Variants in NXPE4 observed in about 807,000 individuals in gnomAD.
NXPE4 encodes NXPE family member 4.
Under a neutral mutation model 33.3 loss-of-function variants are expected in NXPE4, and 42 were observed. The observed-to-expected ratio is 1.26, with a 90% CI of 0.98 to 1.63. NXPE4 has a LOEUF of 1.63. Ranked by LOEUF, NXPE4 falls within the 40% of genes most tolerant of loss-of-function variation. The pLI, the probability that NXPE4 is intolerant of heterozygous loss-of-function variation, is 0.00. For synonymous variants in NXPE4, 253 were observed against 234.9 expected (o/e 1.08, Z -0.71); for missense variants, 709 against 647.6 (o/e 1.09, Z -1.03).
upstream of NXPE4, among the ~76,000 whole-genome samples, chr11:114,599,706 C>T (rs118059580): frequency 2.3e-3 from 345 of 152,080 alleles, 1 homozygote; most frequent in Non-Finnish European, 3.9e-3. Context: ...CATGAGTTTG[C>T]GGGAGGGGCT....
chr11:114,636,332 C>T, the NXPE4 span, among the ~76,000 whole-genome samples: 12 of 151,784 alleles, frequency 7.9e-5, no homozygotes, highest in African/African-American at 1.7e-4. Context: ...TTTTTTATTG[C>T]GTCTATTTGA....
the NXPE4 span, among the ~76,000 whole-genome samples, chr11:114,627,017 T>C: frequency 5.9e-5 from 9 of 151,592 alleles, no homozygotes; most frequent in Non-Finnish European, 8.8e-5. Context: ...TATGGGACTA[T>C]GTGACAAGAC....
the NXPE4 span, among the ~76,000 whole-genome samples, chr11:114,624,884 G>A: frequency 6.6e-6 from 1 of 151,952 alleles, no homozygotes; most frequent in East Asian, 1.9e-4. Context: ...CTGTAACCTG[G>A]TGGATAATAA....
the NXPE4 span, among the ~76,000 whole-genome samples, chr11:114,604,214 G>A: frequency 2.6e-5 from 4 of 152,158 alleles, no homozygotes; most frequent in South Asian, 2.1e-4. Flanking sequence ...TGCCTTGTGG[G>A]TAACCACTGT....
At chr11:114,665,781 TA>T in the NXPE4 span, among the ~76,000 whole-genome samples, 1 of 152,182 alleles carries the variant, frequency 6.6e-6, no homozygotes, top group African/African-American at 2.4e-5. Flanking sequence ...TGTGCAGGTT[TA>T]AAGTTTCTCC....
chr11:114,600,791 T>C, the NXPE4 span, among the ~76,000 whole-genome samples: 1 of 152,084 alleles, frequency 6.6e-6, no homozygotes, highest in Non-Finnish European at 1.5e-5. Context: ...TTGATTATTA[T>C]GCAAGATGTT....
At chr11:114,637,233 C>G in the NXPE4 span, among the ~76,000 whole-genome samples, 3 of 151,776 alleles carry the variant, frequency 2.0e-5, no homozygotes, top group Non-Finnish European at 2.9e-5. Context: ...TTCTTTGTCT[C>G]TTTTGATCTT....
upstream of NXPE4, among the ~76,000 whole-genome samples, chr11:114,598,720 A>G (rs1949606164): frequency 6.6e-6 from 1 of 151,814 alleles, no homozygotes; most frequent in African/African-American, 2.4e-5. Flanking sequence ...CAGTGTTTTG[A>G]GGCTGTGCAG....
At chr11:114,646,057 A>T in the NXPE4 span, among the ~76,000 whole-genome samples, 1 of 152,134 alleles carries the variant, frequency 6.6e-6, no homozygotes, top group Non-Finnish European at 1.5e-5. Flanking sequence ...ATATGATATG[A>T]TCTGCAAATA....
the NXPE4 span, among the ~76,000 whole-genome samples, chr11:114,655,341 T>G: frequency 2.6e-5 from 4 of 152,256 alleles, no homozygotes; most frequent in African/African-American, 7.2e-5. Flanking sequence ...AGATCCCATT[T>G]GTCAATTTTC....
chr11:114,634,683 G>T, the NXPE4 span, among the ~76,000 whole-genome samples: 9 of 151,942 alleles, frequency 5.9e-5, no homozygotes, highest in Non-Finnish European at 7.4e-5. Context: ...TCTACATATC[G>T]CTAGTTGGTT....
At chr11:114,662,378 G>A in the NXPE4 span, among the ~76,000 whole-genome samples, 21,301 of 152,138 alleles carry the variant, frequency 0.14, 1,909 homozygotes, top group South Asian at 0.2. Flanking sequence ...TTACCCATCC[G>A]GGTTGTTGGA....
the NXPE4 span, among the ~76,000 whole-genome samples, chr11:114,677,816 A>G: frequency 6.6e-6 from 1 of 152,090 alleles, no homozygotes; most frequent in Admixed American, 6.6e-5. Context: ...AGACACTCTC[A>G]TGCAGAGCAA....
At chr11:114,583,855 T>A in intron 2 of NXPE4, 1 of 394,332 alleles carries the variant, frequency 2.5e-6, no homozygotes, top group South Asian at 2.1e-5. Flanking sequence ...TTCATAAATA[T>A]GGAGAGTACT....
chr11:114,632,109 T>G, the NXPE4 span, among the ~76,000 whole-genome samples: 2 of 144,584 alleles, frequency 1.4e-5, no homozygotes, highest in Non-Finnish European at 3.0e-5. Context: ...ATGTAATATA[T>G]AAATTATATA....
chr11:114,667,349 A>C, the NXPE4 span, among the ~76,000 whole-genome samples: 1 of 152,148 alleles, frequency 6.6e-6, no homozygotes, highest in African/African-American at 2.4e-5. Context: ...TTCTCCTAAA[A>C]TGTCAATTTG....
At chr11:114,635,078 G>A in the NXPE4 span, among the ~76,000 whole-genome samples, 1 of 151,754 alleles carries the variant, frequency 6.6e-6, no homozygotes, top group Non-Finnish European at 1.5e-5. Flanking sequence ...TCACGATATT[G>A]ATTCTTCCTA....
chr11:114,574,395 C>T (rs1468014931), intron 5 of NXPE4, among the ~76,000 whole-genome samples: 1 of 151,114 alleles, frequency 6.6e-6, no homozygotes, highest in Non-Finnish European at 1.5e-5. Context: ...AAAAGTAATA[C>T]AAAAATAAAT....
At chr11:114,574,215 G>A (rs1383144090) in intron 5 of NXPE4, among the ~76,000 whole-genome samples, 2 of 152,056 alleles carry the variant, frequency 1.3e-5, no homozygotes, top group Non-Finnish European at 2.9e-5. Flanking sequence ...CAAAAGTGAT[G>A]TTAAGAGGAA....
Sources: allele counts gnomAD v4.1 joint callset (sites outside exome capture counted in the v4.1 genomes callset), GRCh38; gene constraint gnomAD v4.1.1; transcripts MANE v1.5; gene names NCBI Gene and HGNC (gene_info 2026-07-23, HGNC 2026-07-21).